Variants in EPDR1 observed in about 807,000 individuals in gnomAD.
EPDR1 encodes the protein mammalian ependymin-related protein 1.
EPDR1 carries 27 observed loss-of-function variants against 23.7 expected under a neutral mutation model. That is an observed-to-expected ratio of 1.14 (90% confidence interval 0.84 to 1.57). The LOEUF (loss-of-function observed/expected upper bound fraction) is 1.57, where lower values mean the gene tolerates loss of function less well. Ranked by LOEUF, EPDR1 falls within the 40% of genes most tolerant of loss-of-function variation. The pLI, the probability that EPDR1 is intolerant of heterozygous loss-of-function variation, is 0.00. For missense variants in EPDR1, 349 were observed against 290.4 expected, an observed-to-expected ratio of 1.20 and a Z score of -1.47; for synonymous variants, 137 against 118.2, an observed-to-expected ratio of 1.16 and a Z score of -1.03.
chr7:37,946,687 C>G (rs1262576174), intron 1 of EPDR1, among the ~76,000 whole-genome samples: 1 of 152,136 alleles, frequency 6.6e-6, no homozygotes, highest in Non-Finnish European at 1.5e-5. Flanking sequence ...GCCCTGACAG[C>G]CTTCCAGTGG....
chr7:37,950,601 C>G lies in EPDR1; in HGVS notation c.*205C>G. 1.7e-6 allele frequency: 1 copy of G among 574,564 alleles called. No homozygotes were observed. Among genetic ancestry groups the G allele is most frequent in the East Asian group, 2.9e-5 (1 of 35,076 alleles). 35.6% of individuals were successfully genotyped at this position (574,564 alleles called of 1,614,324 possible). A position where few individuals can be genotyped will look rare whatever the true frequency, so the allele number is the denominator to read the frequency against. On this transcript the variant is annotated 3_prime_UTR_variant, in exon 3 of 3. Transcript: ENST00000199448. ...AGAAAATTGAATGGCGAGGGTGTGGCCATATGAACTGACTAGATGGCTAAT... is the reference window on the plus strand; with the variant it reads ...AGAAAATTGAATGGCGAGGGTGTGGGCATATGAACTGACTAGATGGCTAAT...
chr7:37,922,064 A>T (rs118071073), intron 1 of EPDR1, among the ~76,000 whole-genome samples: 2 of 152,192 alleles, frequency 1.3e-5, no homozygotes, highest in Admixed American at 1.3e-4. Context: ...CTAATTTGGG[A>T]TCACCACCTG....
At chr7:37,934,955 G>C (rs1786019423) in intron 1 of EPDR1, among the ~76,000 whole-genome samples, 1 of 151,496 alleles carries the variant, frequency 6.6e-6, no homozygotes, top group African/African-American at 2.4e-5. Flanking sequence ...TAAAAAAAAA[G>C]TTAACTATGA....
chr7:37,946,795 T>C (rs1296966122), intron 1 of EPDR1, among the ~76,000 whole-genome samples: 2 of 147,974 alleles, frequency 1.4e-5, no homozygotes, highest in Non-Finnish European at 3.0e-5. Flanking sequence ...TAACACAAAG[T>C]TTTTTTTTTA....
chr7:37,925,236 C>T (rs542338622), intron 1 of EPDR1, among the ~76,000 whole-genome samples: 43 of 152,290 alleles, frequency 2.8e-4, no homozygotes, highest in Non-Finnish European at 4.4e-4. Context: ...GGGGAAGCAG[C>T]GTTGATACAC....
intron 1 of EPDR1, among the ~76,000 whole-genome samples, chr7:37,936,956 C>T (rs1379589693): frequency 6.6e-6 from 1 of 151,938 alleles, no homozygotes; most frequent in Non-Finnish European, 1.5e-5. Context: ...CATAGGAAAA[C>T]GTTGGAAAAG....
rs747866064 is a variant in EPDR1 at position 37,940,753 on chromosome 7, C to G, written c.270-8087C>G. Among the ~76,000 whole-genome samples the G allele has an allele frequency of 2.6e-5, 4 of 151,344 alleles. No individual in the cohort carries two copies. The South Asian group carries it at 8.4e-4, about 32-fold the overall frequency. On this transcript the variant is annotated intron_variant, in intron 1 of 2. Coordinates refer to ENST00000199448, the MANE Select transcript of EPDR1 (RefSeq NM_017549.5). ...GATATACAAAAAATAGGGGGGAAAA[C>G]CTGTAATGTTAATTTAAATGGAAAA... is the stretch of plus-strand genomic sequence containing the variant.
In EPDR1 at chr7:37,926,649, G is replaced by A. The variant is rs1296617826; in HGVS notation, c.269+5441G>A. The stretch of plus-strand genomic sequence containing the variant: ...GTTCCTTGATTTGGGTTTGTCTGAT[G>A]TTTCCTCATAATTAGATTCAAGTTA... On this transcript the variant is annotated intron_variant, in intron 1 of 2. Coordinates refer to ENST00000199448, the MANE Select transcript of EPDR1 (RefSeq NM_017549.5). 4 of 453,550 alleles carry A rather than the reference G, an allele frequency of 8.8e-6. No individual in the cohort carries two copies. The East Asian group carries it at 2.1e-4, about 24-fold the overall frequency. The allele number at this position is 453,550 out of a possible 1,614,324, so 28.1% of individuals were successfully genotyped here.
chr7:37,939,023 G>A (rs956854114), intron 1 of EPDR1, among the ~76,000 whole-genome samples: 8 of 149,634 alleles, frequency 5.3e-5, no homozygotes, highest in East Asian at 2.0e-4. Context: ...CTGTTGCCCA[G>A]GCTGGAGTGC....
At chr7:37,945,457 C>T (rs955534762) in intron 1 of EPDR1, among the ~76,000 whole-genome samples, 5 of 152,138 alleles carry the variant, frequency 3.3e-5, no homozygotes, top group Non-Finnish European at 7.3e-5. Flanking sequence ...TATTTCCATA[C>T]TACCTCATAG....
At chr7:37,944,674 C>T (rs1786237466) in intron 1 of EPDR1, among the ~76,000 whole-genome samples, 1 of 152,206 alleles carries the variant, frequency 6.6e-6, no homozygotes, top group African/African-American at 2.4e-5. Context: ...AGAAGAAAAG[C>T]ATGGGAAAGA....
rs114988553 is a variant in EPDR1, at chr7:37,948,390, A to G, written c.270-450A>G. 3.3e-3 allele frequency among the ~76,000 whole-genome samples: 490 copies of G among 146,506 alleles called. 1 individual carries two copies. The highest frequency in any genetic ancestry group is 0.012 in the African/African-American group (465 of 39,346). On this transcript the variant is annotated intron_variant, in intron 1 of 2. Transcript: ENST00000199448. ...GTGGACGGGATCTCACCCAGGCTGT[A>G]TGTAGTGCGGTGGCATGATCATGGC... is the stretch of plus-strand genomic sequence containing the variant.
At chr7:37,943,922 T>G (rs1446729184) in intron 1 of EPDR1, among the ~76,000 whole-genome samples, 1 of 152,236 alleles carries the variant, frequency 6.6e-6, no homozygotes, top group Non-Finnish European at 1.5e-5. Flanking sequence ...CCTGCCCTTC[T>G]GTTGCAGGTG....
rs533547699 is a variant in EPDR1 at position 37,951,237 on chromosome 7, G to A, written c.*841G>A. On this transcript the variant is annotated 3_prime_UTR_variant, in exon 3 of 3. Transcript: ENST00000199448. Reference sequence around the variant, plus strand: ...GGAGACTATTGTCTCCTAAACCCAGGACTAGAGTTCCCTCGTACTGTCACT... The same window carrying A: ...GGAGACTATTGTCTCCTAAACCCAGAACTAGAGTTCCCTCGTACTGTCACT... 1 of 152,276 alleles carries A rather than the reference G, an allele frequency of 6.6e-6. No individual in the cohort carries two copies. The highest frequency in any genetic ancestry group is 2.1e-4 in the South Asian group (1 of 4,814). 9.4% of individuals were successfully genotyped at this position (152,276 alleles called of 1,614,324 possible).
intron 1 of EPDR1, among the ~76,000 whole-genome samples, chr7:37,922,853 G>A (rs1022246466): frequency 7.9e-5 from 12 of 152,154 alleles, no homozygotes; most frequent in Non-Finnish European, 1.8e-4. Context: ...TGAGAGCTGG[G>A]GTTGTGATGA....
intron 1 of EPDR1, among the ~76,000 whole-genome samples, chr7:37,943,137 C>T (rs554960946): frequency 7.2e-5 from 11 of 152,230 alleles, no homozygotes; most frequent in Non-Finnish European, 1.6e-4. Flanking sequence ...TTGCTTGGTG[C>T]CTGGCCAGCA....
intron 1 of EPDR1, among the ~76,000 whole-genome samples, chr7:37,934,764 C>A (rs1338545562): frequency 1.3e-5 from 2 of 152,038 alleles, no homozygotes; most frequent in Admixed American, 6.5e-5. Context: ...GGTAATATGA[C>A]AAAACCCCAT....
chr7:37,928,341 C>G (rs1785858350), intron 1 of EPDR1, among the ~76,000 whole-genome samples: 1 of 151,634 alleles, frequency 6.6e-6, no homozygotes, highest in Non-Finnish European at 1.5e-5. Context: ...TCACCAATTC[C>G]AGTAAAAAAT....
intron 1 of EPDR1, among the ~76,000 whole-genome samples, chr7:37,932,417 C>A (rs1785963712): frequency 6.6e-6 from 1 of 152,090 alleles, no homozygotes; most frequent in Non-Finnish European, 1.5e-5. Flanking sequence ...GACCACAGGC[C>A]CTTGCTACTA....
Sources: gnomAD v4.1 joint callset for allele counts (sites outside exome capture counted in the v4.1 genomes callset) on GRCh38, gnomAD v4.1.1 for gene constraint, MANE v1.5 for transcripts, NCBI Gene and HGNC (gene_info 2026-07-23, HGNC 2026-07-21) for gene names.